Variants in TENM3 observed in about 807,000 individuals in gnomAD.
TENM3 encodes teneurin-3.
A neutral mutation model predicts 255.1 loss-of-function variants in TENM3; 63 were observed. The observed-to-expected ratio is 0.25, with a 90% CI of 0.20 to 0.30. TENM3 has a LOEUF of 0.30. TENM3 is among the 10% of genes least tolerant of loss of function. The pLI, the probability that TENM3 is intolerant of heterozygous loss-of-function variation, is 1.00. For missense variants in TENM3, 2,929 were observed against 3,461.1 expected (o/e 0.85, Z 3.86); for synonymous variants, 1,306 against 1,322.3 (o/e 0.99, Z 0.27).
chr4:181,717,577 G>A, the TENM3 span, among the ~76,000 whole-genome samples: 121 of 152,294 alleles, frequency 7.9e-4, 1 homozygote, highest in Middle Eastern at 0.014. Context: ...ATATGAATAC[G>A]ACACCAGTGG....
the TENM3 span, among the ~76,000 whole-genome samples, chr4:181,824,681 GA>G: frequency 3.3e-5 from 5 of 151,316 alleles, no homozygotes; most frequent in Admixed American, 6.6e-5. Flanking sequence ...TACAACAATG[GA>G]AAAAAATCAA....
At chr4:182,414,486 T>C (rs963535813) in intron 3 of TENM3, among the ~76,000 whole-genome samples, 1 of 152,188 alleles carries the variant, frequency 6.6e-6, no homozygotes, top group African/African-American at 2.4e-5. Context: ...ACAGAAAAAT[T>C]AGTTTTTAAT....
intron 1 of TENM3, among the ~76,000 whole-genome samples, chr4:182,159,190 C>T (rs910782986): frequency 5.9e-5 from 9 of 152,194 alleles, no homozygotes; most frequent in African/African-American, 2.2e-4. Context: ...GCAGCAGTGT[C>T]TTCAGTTGTC....
chr4:182,446,894 C>T (rs187478484), intron 3 of TENM3, among the ~76,000 whole-genome samples: 2 of 152,150 alleles, frequency 1.3e-5, no homozygotes, highest in Non-Finnish European at 1.5e-5. Flanking sequence ...CCCCCACCCC[C>T]CTCAGAAGAC....
chr4:181,520,586 C>T, the TENM3 span, among the ~76,000 whole-genome samples: 15 of 152,024 alleles, frequency 9.9e-5, no homozygotes, highest in Non-Finnish European at 1.8e-4. Context: ...GAAATAACCA[C>T]GAAAACCACT....
chr4:181,616,347 ACG>A, the TENM3 span, among the ~76,000 whole-genome samples: 1 of 138,522 alleles, frequency 7.2e-6, no homozygotes, highest in Admixed American at 7.6e-5. Context: ...ACACACACAC[ACG>A]TATGCATATA....
chr4:181,554,298 T>C, the TENM3 span, among the ~76,000 whole-genome samples: 1 of 152,168 alleles, frequency 6.6e-6, no homozygotes, highest in Admixed American at 6.5e-5. Flanking sequence ...GTCAGTCTCA[T>C]GTACAGCTAA....
the TENM3 span, among the ~76,000 whole-genome samples, chr4:181,603,461 G>T: frequency 6.6e-6 from 1 of 152,100 alleles, no homozygotes; most frequent in African/African-American, 2.4e-5. Flanking sequence ...TCACATAAAA[G>T]AAAGAAAGAC....
intron 3 of TENM3, among the ~76,000 whole-genome samples, chr4:182,525,613 A>G (rs1234606585): frequency 1.3e-5 from 2 of 152,226 alleles, no homozygotes; most frequent in East Asian, 3.8e-4. Context: ...AACTGTGTGT[A>G]TGTACACCCG....
At chr4:181,696,342 A>G in the TENM3 span, among the ~76,000 whole-genome samples, 1 of 151,956 alleles carries the variant, frequency 6.6e-6, no homozygotes, top group Non-Finnish European at 1.5e-5. Context: ...CCTCATCAAT[A>G]CTTCCTTTAT....
In TENM3 at chr4:182,415,760, T is replaced by G. The variant is rs62352327; in HGVS notation, c.511+68831T>G. ...CAAGATGAAATAAATTATTGCTTAT[T>G]GAACTTTAAGAAAATTATTTCAGAG... On this transcript the variant is annotated intron_variant, in intron 3 of 27. Transcript: ENST00000511685. Among the ~76,000 whole-genome samples, 1,151 of 152,298 alleles carry G rather than the reference T, an allele frequency of 7.6e-3. 15 individuals are homozygous for G. Among genetic ancestry groups the G allele is most frequent in the African/African-American group, 0.026 (1,092 of 41,560 alleles).
chr4:182,195,436 C>T (rs954117138), intron 1 of TENM3, among the ~76,000 whole-genome samples: 6 of 152,070 alleles, frequency 3.9e-5, no homozygotes, highest in African/African-American at 1.4e-4. Context: ...CTCAGGAGTT[C>T]AAGCCCAGCC....
intron 3 of TENM3, among the ~76,000 whole-genome samples, chr4:182,599,797 TA>T (rs1324643438): frequency 1.3e-5 from 2 of 152,236 alleles, no homozygotes; most frequent in African/African-American, 4.8e-5. Flanking sequence ...TAGCATGATT[TA>T]ATACATCACT....
rs542048168 is a variant in TENM3, at chr4:182,581,460, G to A, written c.512-19464G>A. ...TTAAGAATATTAGGAAAAATAGGCC[G>A]GGTGCAGTGACTCACGCCTGTAATC... On this transcript the variant is annotated intron_variant, in intron 3 of 27. Coordinates refer to ENST00000511685, the MANE Select transcript of TENM3 (RefSeq NM_001080477.4). Among the ~76,000 whole-genome samples, 34 of 152,150 alleles carry A rather than the reference G, an allele frequency of 2.2e-4. 1 individual carries two copies. The South Asian group carries it at 5.8e-3, about 26-fold the overall frequency.
the TENM3 span, among the ~76,000 whole-genome samples, chr4:182,088,636 C>A: frequency 6.6e-6 from 1 of 152,050 alleles, no homozygotes; most frequent in African/African-American, 2.4e-5. Context: ...AGATCAAGAT[C>A]ATCCCGGCTA....
the TENM3 span, among the ~76,000 whole-genome samples, chr4:182,007,042 G>A: frequency 6.6e-6 from 1 of 152,276 alleles, no homozygotes; most frequent in East Asian, 1.9e-4. Flanking sequence ...GTGGTTTTGA[G>A]TGAGTTTCTT....
chr4:181,705,678 G>A, the TENM3 span, among the ~76,000 whole-genome samples: 4 of 152,192 alleles, frequency 2.6e-5, no homozygotes, highest in Admixed American at 6.5e-5. Context: ...GATAGATGCA[G>A]CAAACCACCA....
intron 3 of TENM3, among the ~76,000 whole-genome samples, chr4:182,534,801 G>A (rs1740132924): frequency 6.6e-6 from 1 of 152,172 alleles, no homozygotes; most frequent in Admixed American, 6.5e-5. Flanking sequence ...TAAAAACGTG[G>A]ATTTGGAAAG....
chr4:182,565,403 G>T (rs1294835039), intron 3 of TENM3, among the ~76,000 whole-genome samples: 1 of 152,150 alleles, frequency 6.6e-6, no homozygotes. Context: ...AAATAAGCAA[G>T]AATTTTTTAT....
Sources: allele counts gnomAD v4.1 joint callset (sites outside exome capture counted in the v4.1 genomes callset), GRCh38; gene constraint gnomAD v4.1.1; transcripts MANE v1.5; gene names NCBI Gene and HGNC (gene_info 2026-07-23, HGNC 2026-07-21).